Variants in CD40 observed in about 807,000 individuals in gnomAD.
CD40 encodes CD40 molecule.
CD40 carries 19 observed loss-of-function variants against 38.5 expected under a neutral mutation model. That is an observed-to-expected ratio of 0.49 (90% CI 0.34 to 0.72). CD40 has a LOEUF of 0.72. Ranked by LOEUF, CD40 falls within the 30% of genes least tolerant of loss-of-function variation. CD40 has a pLI of 0.01. For missense variants in CD40, 256 were observed against 344.1 expected, an observed-to-expected ratio of 0.74 and a Z score of 2.03; for synonymous variants, 130 against 128.7, an observed-to-expected ratio of 1.01 and a Z score of -0.07.
intron 8 of CD40, 126 bp downstream of exon 8, chr20:46,128,484 T>A: frequency 1.9e-6 from 2 of 1,060,794 alleles, no homozygotes; most frequent in Non-Finnish European, 2.9e-6. Context: ...GCAGCAGAAT[T>A]GGGGACTGTC....
intron 5 of CD40, among the ~76,000 whole-genome samples, chr20:46,125,405 G>A (rs942534334): frequency 3.3e-5 from 5 of 151,756 alleles, no homozygotes; most frequent in Non-Finnish European, 7.4e-5. Flanking sequence ...TTAGCTGGGC[G>A]TGGTGGCGCA....
At chr20:46,125,686 C>G (rs1159740675) in intron 5 of CD40, among the ~76,000 whole-genome samples, 4 of 152,030 alleles carry the variant, frequency 2.6e-5, no homozygotes. Context: ...CCACCTGGAC[C>G]AGGTCTTCAT....
At chr20:46,128,549 C>G in intron 8 of CD40, 191 bp downstream of exon 8, 1 of 732,634 alleles carries the variant, frequency 1.4e-6, no homozygotes, top group Non-Finnish European at 2.4e-6. Flanking sequence ...CAGAACTGCC[C>G]CTGGCACCAC....
chr20:46,120,269 C>A lies in CD40; in HGVS notation c.52-1551C>A, dbSNP rs1044309439. Among the ~76,000 whole-genome samples the A allele has an allele frequency of 3.3e-5, 5 of 152,218 alleles. No individual in the cohort carries two copies. In the East Asian group the frequency reaches 5.8e-4, roughly 18 times the overall value. Reference sequence around the variant, plus strand: ...TCCTGACACTGTGCTAGGCCATATACATGTATTCTTTCTTATCTTCGTAAT... The same window carrying A: ...TCCTGACACTGTGCTAGGCCATATAAATGTATTCTTTCTTATCTTCGTAAT... On this transcript the variant is annotated intron_variant, in intron 1 of 8. Coordinates refer to ENST00000372285, the MANE Select transcript of CD40 (RefSeq NM_001250.6).
Position 46,123,134 on chromosome 20 carries a change from G to A in CD40, c.412G>A (p.Val138Ile), listed in dbSNP as rs368921167. 1.1e-5 allele frequency: 17 copies of A among 1,613,940 alleles called. No individual in the cohort carries two copies. The highest frequency in any genetic ancestry group is 1.4e-5 in the Non-Finnish European group (17 of 1,179,786). Residue 138 changes from valine to isoleucine, a missense_variant, in exon 5 of 9, where the codon GTT becomes ATT. Val to Ile is a conservative substitution (Grantham distance 29, BLOSUM62 3). Coordinates refer to ENST00000372285, the MANE Select transcript of CD40 (RefSeq NM_001250.6). ...TCCCCACCCACTCCCAGCTACAGGG[G>A]TTTCTGATACCATCTGCGAGCCCTG... ...GFGVKQIATG[V>I]SDTICEPCPV...
Position 46,122,720 on chromosome 20 carries a change from C to T in CD40, c.367C>T (p.Arg123Cys), listed in dbSNP as rs1187445729. The change falls in exon 4 of 9, where the codon CGC (arginine) becomes TGC (cysteine). Residue 123 changes from arginine (R) to cysteine (C), a missense_variant. Coordinates refer to ENST00000372285, the MANE Select transcript of CD40 (RefSeq NM_001250.6). The surrounding 1 kb of genome is among the most constrained non-coding windows in gnomAD (Gnocchi z 5.0). ...GGCCTGTGAGAGCTGTGTCCTGCAC[C>T]GCTCATGCTCGCCCGGCTTTGGGGT... Reference protein sequence around the residue: ...SEACESCVLHRSCSPGFGVKQ... With the variant: ...SEACESCVLHCSCSPGFGVKQ... 10 of 1,614,112 alleles carry T rather than the reference C, an allele frequency of 6.2e-6. No individual in the cohort carries two copies. Among genetic ancestry groups the T allele is most frequent in the Non-Finnish European group, 6.8e-6 (8 of 1,180,022 alleles).
intron 1 of CD40, among the ~76,000 whole-genome samples, chr20:46,121,498 C>T (rs543936321): frequency 6.6e-6 from 1 of 152,300 alleles, no homozygotes; most frequent in East Asian, 1.9e-4. Context: ...CTGCTGGAGT[C>T]CCCATATCCT....
rs2085448138 is a variant in CD40 at position 46,126,867 on chromosome 20, C to T, written c.559+166C>T. The stretch of plus-strand genomic sequence containing the variant: ...CTTGGGAGTCTGGGCAAATCACTTC[C>T]CCTCTCTTAGCCTCAGTTTCTTCAT... On this transcript the variant is annotated intron_variant, in intron 6 of 8. Transcript: ENST00000372285. 9 of 1,123,696 alleles carry T rather than the reference C, an allele frequency of 8.0e-6. 1 individual carries two copies. In the South Asian group the frequency reaches 1.1e-4, roughly 14 times the overall value. 69.6% of individuals were successfully genotyped at this position (1,123,696 alleles called of 1,614,324 possible).
intron 5 of CD40, among the ~76,000 whole-genome samples, chr20:46,124,343 T>A (rs2085378851): frequency 2.0e-5 from 3 of 152,158 alleles, no homozygotes; most frequent in Admixed American, 2.0e-4. Flanking sequence ...ATTTGATTTT[T>A]AAAAATGGGC....
At position 46,118,686 on chromosome 20, in the gene CD40, CAG is replaced by C. The variant is rs1329709935; in HGVS notation, c.51+296_51+297del. ...TAGGGAGCCTCAGAGGCTGGCCACA[CAG>C]AGACTGGTAGGGGGTTCAGAGGGCG... On this transcript the variant is annotated intron_variant, in intron 1 of 8. Coordinates refer to ENST00000372285, the MANE Select transcript of CD40 (RefSeq NM_001250.6). Among the ~76,000 whole-genome samples the C allele has an allele frequency of 3.9e-5, 6 of 152,088 alleles. No homozygotes were observed. In the East Asian group the frequency reaches 1.2e-3, roughly 29 times the overall value.
Position 46,121,855 on chromosome 20 carries a change from A to G in CD40, c.87A>G (p.Lys29=). The G allele has an allele frequency of 6.2e-7, 1 of 1,614,134 alleles. No individual in the cohort carries two copies. Among genetic ancestry groups the G allele is most frequent in the South Asian group, 1.1e-5 (1 of 91,082 alleles). ...HPEPPTACRE[K]QYLINSQCCS... ...AACCACCCACTGCATGCAGAGAAAAACAGTACCTAATAAACAGTCAGTGCT... is the reference window on the plus strand; with the variant it reads ...AACCACCCACTGCATGCAGAGAAAAGCAGTACCTAATAAACAGTCAGTGCT... The change falls in exon 2 of 9, where the codon AAA becomes AAG. Residue 29 remains lysine, a synonymous_variant. Transcript: ENST00000372285.
chr20:46,123,263 T>G, intron 5 of CD40, 44 bp downstream of exon 5: 1 of 1,407,836 alleles, frequency 7.1e-7, no homozygotes, highest in Non-Finnish European at 1.0e-6. Context: ...AAGAGTGGCA[T>G]GGAGCTGCCT....
At chr20:46,128,487 G>C in intron 8 of CD40, 129 bp downstream of exon 8, 1 of 1,026,254 alleles carries the variant, frequency 9.7e-7, no homozygotes, top group Non-Finnish European at 1.5e-6. Flanking sequence ...GCAGAATTGG[G>C]GACTGTCATC....
At chr20:46,125,019 G>C (rs1355868640) in intron 5 of CD40, among the ~76,000 whole-genome samples, 1 of 151,344 alleles carries the variant, frequency 6.6e-6, no homozygotes, top group East Asian at 2.0e-4. Context: ...CGTCTGCCTT[G>C]GCCTCCCAAA....
In CD40 at chr20:46,128,304, CTTTTTTTTT is replaced by C. The variant is rs749590513; in HGVS notation, c.647-11_647-3del. The C allele has an allele frequency of 1.8e-5, 26 of 1,440,240 alleles. No individual in the cohort carries two copies. In the African/African-American group the frequency reaches 4.4e-4, roughly 24 times the overall value. The allele number at this position is 1,440,240 out of a possible 1,614,324, so 89.2% of individuals were successfully genotyped here. ...TATCTGGCCTCTCCAACTCCCCATCCTTTTTTTTTTTTTTTTTTTTTTTAGAAAAGGTGG... is the reference window on the plus strand; with the variant it reads ...TATCTGGCCTCTCCAACTCCCCATCCTTTTTTTTTTTTTTAGAAAAGGTGG... On this transcript the variant is annotated splice_polypyrimidine_tract_variant and intron_variant, in intron 7 of 8. Transcript: ENST00000372285.
At chr20:46,124,921 C>T (rs1225378302) in intron 5 of CD40, among the ~76,000 whole-genome samples, 2 of 151,724 alleles carry the variant, frequency 1.3e-5, no homozygotes, top group African/African-American at 4.8e-5. Context: ...CGCCCGCCAC[C>T]ACACCCGGCT....
Position 46,122,013 on chromosome 20 carries a change from G to C in CD40, c.130+115G>C. ...CTGAAACGACCCATTTCCCAGCCCTGCTTCACTGTCAGAATGTTCTGGTTC... is the reference window on the plus strand; with the variant it reads ...CTGAAACGACCCATTTCCCAGCCCTCCTTCACTGTCAGAATGTTCTGGTTC... On this transcript the variant is annotated intron_variant, in intron 2 of 8. Transcript: ENST00000372285. The surrounding 1 kb of genome is among the most constrained non-coding windows in gnomAD (Gnocchi z 5.0). 1 of 1,064,022 alleles carries C rather than the reference G, an allele frequency of 9.4e-7. No individual in the cohort carries two copies. The highest frequency in any genetic ancestry group is 1.4e-6 in the Non-Finnish European group (1 of 693,708). 65.9% of individuals were successfully genotyped at this position (1,064,022 alleles called of 1,614,324 possible). A position where few individuals can be genotyped will look rare whatever the true frequency, so the allele number is the denominator to read the frequency against.
At chr20:46,121,485 G>A (rs11700323) in intron 1 of CD40, among the ~76,000 whole-genome samples, 3,057 of 152,286 alleles carry the variant, frequency 0.02, 51 homozygotes, top group Non-Finnish European at 0.026. Context: ...GACTCCAGGG[G>A]AGCTGCTGGA....
In CD40 at chr20:46,122,872, C is replaced by A; in HGVS notation, c.403+116C>A. ...GAGGCAGAGGAAGCAGAGGCTCCAA[C>A]CTATGTCGGTATCCCCACTGGAGTG... On this transcript the variant is annotated intron_variant, in intron 4 of 8. Coordinates refer to ENST00000372285, the MANE Select transcript of CD40 (RefSeq NM_001250.6). This position sits in a 1 kb window ranked among gnomAD's most constrained non-coding sequence, Gnocchi z 5.0. The A allele has an allele frequency of 2.2e-6, 3 of 1,336,366 alleles. No homozygotes were observed. Among genetic ancestry groups the A allele is most frequent in the Non-Finnish European group, 2.1e-6 (2 of 960,196 alleles). 82.8% of individuals were successfully genotyped at this position (1,336,366 alleles called of 1,614,324 possible). A position where few individuals can be genotyped will look rare whatever the true frequency, so the allele number is the denominator to read the frequency against.
Sources: allele counts gnomAD v4.1 joint callset (sites outside exome capture counted in the v4.1 genomes callset), GRCh38; gene constraint gnomAD v4.1.1; non-coding constraint Gnocchi (gnomAD v3.1); transcripts MANE v1.5; gene names NCBI Gene and HGNC (gene_info 2026-07-23, HGNC 2026-07-21).